ACTR3: variants seen among roughly 807,000 people sequenced by gnomAD.
The protein encoded by ACTR3 is actin-related protein 3.
ACTR3 carries 12 observed loss-of-function variants against 56.8 expected under a neutral mutation model. That is an observed-to-expected ratio of 0.21 (90% CI 0.14 to 0.34). ACTR3 has a LOEUF of 0.34. ACTR3 is among the 10% of genes least tolerant of loss of function. The pLI is 1.00. For missense variants in ACTR3, 282 were observed against 512.5 expected, an observed-to-expected ratio of 0.55 and a Z score of 4.34; for synonymous variants, 162 against 167.4, an observed-to-expected ratio of 0.97 and a Z score of 0.25.
At chr2:113,936,332 G>T (rs906532079) in intron 6 of ACTR3, among the ~76,000 whole-genome samples, 21 of 148,138 alleles carry the variant, frequency 1.4e-4, no homozygotes, top group Admixed American at 1.3e-3. Flanking sequence ...AAAGGTTGGT[G>T]GGGGGGTGCT....
intron 2 of ACTR3, 57 bp downstream of exon 2, chr2:113,913,284 A>C: frequency 7.9e-7 from 1 of 1,267,250 alleles, no homozygotes; most frequent in South Asian, 1.4e-5. Flanking sequence ...CTTCCCTAAT[A>C]ATTTAAGTAA....
At chr2:113,894,432 A>G (rs1380039385) in intron 1 of ACTR3, among the ~76,000 whole-genome samples, 1 of 152,236 alleles carries the variant, frequency 6.6e-6, no homozygotes, top group East Asian at 1.9e-4. Flanking sequence ...AGGCAGAAAT[A>G]TTCACAATAG....
At chr2:113,944,097 G>GAGGAAACCTT (rs1454578185) in intron 8 of ACTR3, among the ~76,000 whole-genome samples, 2 of 152,178 alleles carry the variant, frequency 1.3e-5, no homozygotes, top group Non-Finnish European at 2.9e-5. Flanking sequence ...AGTAACATTA[G>GAGGAAACCTT]AGGAAACCTT....
intron 1 of ACTR3, among the ~76,000 whole-genome samples, chr2:113,891,113 T>G (rs1678885975): frequency 6.6e-6 from 1 of 152,200 alleles, no homozygotes; most frequent in African/African-American, 2.4e-5. Context: ...GTTTCCAACC[T>G]GAGCACATCT....
chr2:113,896,901 T>C (rs962427560), intron 1 of ACTR3, among the ~76,000 whole-genome samples: 1 of 152,212 alleles, frequency 6.6e-6, no homozygotes, highest in Non-Finnish European at 1.5e-5. Context: ...TCCAGCATGC[T>C]CCTGCTCCCC....
intron 6 of ACTR3, among the ~76,000 whole-genome samples, chr2:113,937,333 T>C (rs1275608210): frequency 6.6e-6 from 1 of 152,216 alleles, no homozygotes; most frequent in Non-Finnish European, 1.5e-5. Flanking sequence ...CTTGAACTCC[T>C]GCCCTCAAGT....
At chr2:113,915,969 GT>G in intron 2 of ACTR3, among the ~76,000 whole-genome samples, 1 of 152,094 alleles carries the variant, frequency 6.6e-6, no homozygotes. Flanking sequence ...GTGGTTCAAG[GT>G]TTTTTTTATA....
intron 8 of ACTR3, among the ~76,000 whole-genome samples, chr2:113,947,002 A>G (rs1680034799): frequency 6.6e-6 from 1 of 152,114 alleles, no homozygotes; most frequent in Non-Finnish European, 1.5e-5. Context: ...TTTCCTTTTA[A>G]TTCTCTTGCT....
chr2:113,943,411 T>C (rs1367828338), intron 8 of ACTR3, among the ~76,000 whole-genome samples: 1 of 152,184 alleles, frequency 6.6e-6, no homozygotes, highest in African/African-American at 2.4e-5. Context: ...AGGGCAGATA[T>C]GTTATGCAAG....
chr2:113,931,480 T>G (rs1679722987), intron 5 of ACTR3, 84 bp downstream of exon 5: 1 of 862,192 alleles, frequency 1.2e-6, no homozygotes, highest in Non-Finnish European at 1.7e-6. Context: ...CTTTTTTTTT[T>G]TTTCTGCAAA....
At chr2:113,907,542 C>A (rs568992482) in intron 1 of ACTR3, among the ~76,000 whole-genome samples, 1 of 152,326 alleles carries the variant, frequency 6.6e-6, no homozygotes, top group African/African-American at 2.4e-5. Flanking sequence ...CGTGAGCCGT[C>A]ACACCCAGCT....
intron 8 of ACTR3, among the ~76,000 whole-genome samples, chr2:113,949,635 C>T (rs900731869): frequency 2.6e-5 from 4 of 152,054 alleles, no homozygotes; most frequent in African/African-American, 7.2e-5. Context: ...GATCATAACT[C>T]AGTGTAACCT....
At chr2:113,932,160 GATGA>G (rs1466366786) in intron 5 of ACTR3, among the ~76,000 whole-genome samples, 1 of 152,096 alleles carries the variant, frequency 6.6e-6, no homozygotes, top group African/African-American at 2.4e-5. Flanking sequence ...GATAATTATG[GATGA>G]ATATTTTAAC....
intron 8 of ACTR3, among the ~76,000 whole-genome samples, chr2:113,943,412 G>A (rs1388196975): frequency 2.6e-5 from 4 of 152,186 alleles, no homozygotes; most frequent in Non-Finnish European, 5.9e-5. Context: ...GGGCAGATAT[G>A]TTATGCAAGG....
chr2:113,899,498 G>C (rs1012965564), intron 1 of ACTR3, among the ~76,000 whole-genome samples: 1 of 152,186 alleles, frequency 6.6e-6, no homozygotes, highest in Non-Finnish European at 1.5e-5. Context: ...TTACAGTTTA[G>C]TTTCAAAGAT....
chr2:113,934,396 T>C lies in ACTR3; in HGVS notation c.540+10T>C. ...TCATGTCATTCCTGTGGTAAGGCTA[T>C]TTTACAGTTACTGAACAGAACATGA... On this transcript the variant is annotated intron_variant, in intron 6 of 11. Transcript: ENST00000263238. 6.6e-7 allele frequency: 1 copy of C among 1,509,718 alleles called. No homozygotes were observed. Among genetic ancestry groups the C allele is most frequent in the Non-Finnish European group, 9.0e-7 (1 of 1,106,428 alleles). 93.5% of individuals were successfully genotyped at this position (1,509,718 alleles called of 1,614,324 possible). A position where few individuals can be genotyped will look rare whatever the true frequency, so the allele number is the denominator to read the frequency against.
At chr2:113,902,893 CTGGCCACAACA>C (rs1366317481) in intron 1 of ACTR3, among the ~76,000 whole-genome samples, 1 of 152,236 alleles carries the variant, frequency 6.6e-6, no homozygotes, top group East Asian at 1.9e-4. Flanking sequence ...GCCACTGCTT[CTGGCCACAACA>C]TGGTGTTTTG....
At chr2:113,920,307 G>C (rs1679484214) in intron 3 of ACTR3, among the ~76,000 whole-genome samples, 3 of 152,106 alleles carry the variant, frequency 2.0e-5, no homozygotes, top group Admixed American at 6.5e-5. Flanking sequence ...ACCCTCCCAT[G>C]TTGGCCTCTC....
At chr2:113,932,388 T>C (rs1469214609) in intron 5 of ACTR3, among the ~76,000 whole-genome samples, 1 of 152,198 alleles carries the variant, frequency 6.6e-6, no homozygotes, top group Admixed American at 6.5e-5. Context: ...TTGGGAGTTT[T>C]TGCTTCTCAT....
Sources: allele counts gnomAD v4.1 joint callset (sites outside exome capture counted in the v4.1 genomes callset), GRCh38; gene constraint gnomAD v4.1.1; transcripts MANE v1.5; gene names NCBI Gene and HGNC (gene_info 2026-07-23, HGNC 2026-07-21).